Variants in RELN observed in about 807,000 individuals in gnomAD.
RELN encodes the protein reelin.
In RELN, 108 loss-of-function variants were observed where a neutral mutation model predicts 427.6. That is an observed-to-expected ratio of 0.25 (90% CI 0.22 to 0.30). RELN has a LOEUF of 0.30. RELN is among the 10% of genes least tolerant of loss of function. RELN has a pLI of 1.00. For synonymous variants in RELN, 1,524 were observed against 1,513.4 expected, an observed-to-expected ratio of 1.01 and a Z score of -0.16; for missense variants, 3,715 against 4,302.8, an observed-to-expected ratio of 0.86 and a Z score of 3.82.
chr7:103,650,206 C>G, intron 16 of RELN, 68 bp downstream of exon 16: 1 of 946,494 alleles, frequency 1.1e-6, no homozygotes. Context: ...TAAGTCTGTG[C>G]TGACGAACAA....
At chr7:103,746,550 T>A (rs971552702) in intron 6 of RELN, among the ~76,000 whole-genome samples, 2 of 151,666 alleles carry the variant, frequency 1.3e-5, no homozygotes, top group African/African-American at 2.4e-5. Flanking sequence ...GAAGCTACAA[T>A]GAACTCAATT....
chr7:103,802,226 C>G (rs1792485049), intron 3 of RELN, among the ~76,000 whole-genome samples: 1 of 152,110 alleles, frequency 6.6e-6, no homozygotes, highest in Admixed American at 6.6e-5. Context: ...AATTTAGTCA[C>G]AGGGTCTTGC....
At chr7:103,840,125 G>A (rs978180155) in intron 2 of RELN, among the ~76,000 whole-genome samples, 1 of 152,216 alleles carries the variant, frequency 6.6e-6, no homozygotes, top group Admixed American at 6.5e-5. Context: ...AGAACCATGA[G>A]CCAATTAAAC....
intron 44 of RELN, 90 bp downstream of exon 44, chr7:103,540,107 A>G (rs530478675): frequency 6.9e-7 from 1 of 1,455,236 alleles, no homozygotes; most frequent in South Asian, 1.2e-5. Flanking sequence ...GGTTTCATCT[A>G]CTGAGCAAGC....
intron 11 of RELN, among the ~76,000 whole-genome samples, chr7:103,673,619 G>C (rs1833443358): frequency 6.6e-6 from 1 of 152,110 alleles, no homozygotes; most frequent in African/African-American, 2.4e-5. Flanking sequence ...AAATCTTTCA[G>C]AGAGGGTGGT....
At chr7:103,691,972 A>T (rs1211998365) in intron 10 of RELN, among the ~76,000 whole-genome samples, 1 of 152,136 alleles carries the variant, frequency 6.6e-6, no homozygotes, top group African/African-American at 2.4e-5. Context: ...GGACACTGAG[A>T]GGTTAAATAG....
intron 6 of RELN, among the ~76,000 whole-genome samples, chr7:103,747,486 G>T (rs1790873276): frequency 6.6e-6 from 1 of 151,988 alleles, no homozygotes; most frequent in Non-Finnish European, 1.5e-5. Context: ...GCTCATAGAG[G>T]TGAAGCAGCT....
intron 4 of RELN, among the ~76,000 whole-genome samples, chr7:103,756,057 G>A (rs1395841772): frequency 6.6e-6 from 1 of 152,134 alleles, no homozygotes; most frequent in African/African-American, 2.4e-5. Flanking sequence ...AATTAGATAT[G>A]TATAACAAAA....
intron 3 of RELN, among the ~76,000 whole-genome samples, chr7:103,791,596 A>G (rs924812971): frequency 6.6e-6 from 1 of 152,214 alleles, no homozygotes; most frequent in African/African-American, 2.4e-5. Context: ...TGGATCATAG[A>G]TTTAAGTGTA....
chr7:103,542,674 G>A, intron 43 of RELN, 57 bp downstream of exon 43: 4 of 1,579,666 alleles, frequency 2.5e-6, no homozygotes, highest in East Asian at 2.2e-5. Context: ...ATTTGATTAT[G>A]TTCTGCTATT....
intron 3 of RELN, among the ~76,000 whole-genome samples, chr7:103,779,653 T>C (rs1448542215): frequency 6.6e-6 from 1 of 152,202 alleles, no homozygotes; most frequent in Non-Finnish European, 1.5e-5. Context: ...TTCATTAACC[T>C]GGTTCAAAAA....
chr7:103,630,869 T>TTG (rs1554394471), intron 19 of RELN, among the ~76,000 whole-genome samples: 1 of 149,912 alleles, frequency 6.7e-6, no homozygotes, highest in African/African-American at 2.5e-5. Flanking sequence ...TGTTTTTTTT[T>TTG]TTTTTGTTTT....
intron 46 of RELN, among the ~76,000 whole-genome samples, chr7:103,524,659 T>C (rs1369967635): frequency 6.6e-6 from 1 of 152,194 alleles, no homozygotes. Flanking sequence ...GGAATATCTG[T>C]TTAAGGCAGG....
At chr7:103,873,937 C>T (rs1794414100) in intron 2 of RELN, among the ~76,000 whole-genome samples, 1 of 135,824 alleles carries the variant, frequency 7.4e-6, no homozygotes, top group African/African-American at 2.6e-5. Context: ...CCTTGATGAA[C>T]ATTGAGGTAA....
chr7:103,895,376 T>C, intron 2 of RELN, among the ~76,000 whole-genome samples: 1 of 152,036 alleles, frequency 6.6e-6, no homozygotes, highest in Non-Finnish European at 1.5e-5. Flanking sequence ...CCCCAACTGC[T>C]CTAATGAGAA....
intron 2 of RELN, among the ~76,000 whole-genome samples, chr7:103,885,731 G>A (rs1437803731): frequency 2.0e-5 from 3 of 152,000 alleles, no homozygotes; most frequent in Non-Finnish European, 4.4e-5. Context: ...AGAACTTAAC[G>A]TACTTTTAAA....
intron 19 of RELN, among the ~76,000 whole-genome samples, chr7:103,635,141 G>A (rs780260948): frequency 1.8e-4 from 28 of 152,272 alleles, no homozygotes; most frequent in Admixed American, 3.9e-4. Flanking sequence ...TTACAGGCAT[G>A]AGCCACTGCG....
chr7:103,520,960 T>C (rs1041942033), intron 48 of RELN, among the ~76,000 whole-genome samples: 1 of 94,808 alleles, frequency 1.1e-5, no homozygotes, highest in Non-Finnish European at 2.1e-5. Context: ...ATTTGTTATT[T>C]TTTTTTTTTT....
intron 12 of RELN, among the ~76,000 whole-genome samples, chr7:103,657,165 C>T (rs775873148): frequency 3.9e-5 from 6 of 151,956 alleles, no homozygotes; most frequent in Admixed American, 3.9e-4. Flanking sequence ...ATGTATATCT[C>T]ATCCTAATAA....
Sources: gnomAD v4.1 joint callset for allele counts (sites outside exome capture counted in the v4.1 genomes callset) on GRCh38, gnomAD v4.1.1 for gene constraint, MANE v1.5 for transcripts, NCBI Gene and HGNC (gene_info 2026-07-23, HGNC 2026-07-21) for gene names.